The following ARHGAP26 variants were observed in gnomAD, a reference collection of about 807,000 sequenced individuals.
ARHGAP26 encodes the protein Rho GTPase activating protein 26.
ARHGAP26 carries 38 observed loss-of-function variants against 104.8 expected under a neutral mutation model. The observed-to-expected ratio is 0.36, with a 90% CI of 0.28 to 0.48. ARHGAP26 has a LOEUF of 0.48. Ranked by LOEUF, ARHGAP26 falls within the 20% of genes least tolerant of loss-of-function variation. The pLI is 0.99. For missense variants in ARHGAP26, 704 were observed against 947.9 expected, an observed-to-expected ratio of 0.74 and a Z score of 3.38; for synonymous variants, 341 against 340.0, an observed-to-expected ratio of 1.00 and a Z score of -0.03.
intron 17 of ARHGAP26, among the ~76,000 whole-genome samples, chr5:143,086,709 G>T (rs955661302): frequency 7.2e-5 from 11 of 152,146 alleles, no homozygotes; most frequent in African/African-American, 2.7e-4. Context: ...AGCACTTAAG[G>T]CTGCTGGTGA....
intron 1 of ARHGAP26, 45 bp downstream of exon 1, chr5:142,770,960 G>A: frequency 6.4e-7 from 1 of 1,556,634 alleles, no homozygotes; most frequent in Non-Finnish European, 8.7e-7. Context: ...GGGGCGGGAG[G>A]AACTGGGAGG....
Position 142,878,026 on chromosome 5 carries a change from C to A in ARHGAP26, c.313-1348C>A, listed in dbSNP as rs10515518. ...ATTTCACTCTTCTGAAATAAGTGAT[C>A]TCCAAATTGAGAAAAAGGCAAATGG... On this transcript the variant is annotated intron_variant, in intron 3 of 22. Coordinates refer to ENST00000645722, the MANE Select transcript of ARHGAP26 (RefSeq NM_001135608.3). 0.017 allele frequency among the ~76,000 whole-genome samples: 2,580 copies of A among 152,294 alleles called. 193 individuals carry two copies. In the East Asian group the frequency reaches 0.25, roughly 15 times the overall value.
chr5:143,083,055 GA>G (rs143715674), intron 17 of ARHGAP26, among the ~76,000 whole-genome samples: 5,690 of 152,274 alleles, frequency 0.037, 354 homozygotes, highest in African/African-American at 0.13. Flanking sequence ...AATCTCAGCC[GA>G]GTATAATACA....
intron 16 of ARHGAP26, 38 bp from the exon 17 acceptor site, chr5:143,057,604 G>T: frequency 6.4e-7 from 1 of 1,552,604 alleles, no homozygotes; most frequent in South Asian, 1.1e-5. Context: ...GTTTAGCTGT[G>T]ACACTGATAA....
chr5:142,831,111 A>C (rs1163839515), intron 1 of ARHGAP26, among the ~76,000 whole-genome samples: 1 of 152,156 alleles, frequency 6.6e-6, no homozygotes, highest in Non-Finnish European at 1.5e-5. Flanking sequence ...TCAGCCTGTT[A>C]GTGTCTGTTT....
At chr5:142,784,923 AT>A (rs35315311) in intron 1 of ARHGAP26, among the ~76,000 whole-genome samples, 2,010 of 118,076 alleles carry the variant, frequency 0.017, 9 homozygotes, top group African/African-American at 0.044. Flanking sequence ...CTTCCTTAGG[AT>A]TTTTTTTTTT....
chr5:142,925,105 A>G (rs1763722241), intron 10 of ARHGAP26, among the ~76,000 whole-genome samples: 1 of 152,064 alleles, frequency 6.6e-6, no homozygotes, highest in South Asian at 2.1e-4. Flanking sequence ...AAAATCTTTA[A>G]CTGCTGATCA....
intron 20 of ARHGAP26, among the ~76,000 whole-genome samples, chr5:143,190,992 A>G (rs549002304): frequency 1.3e-5 from 2 of 152,382 alleles, no homozygotes; most frequent in African/African-American, 4.8e-5. Flanking sequence ...GCAGATCTCT[A>G]GAGTTAGAAT....
intron 9 of ARHGAP26, chr5:142,909,014 T>C (rs1318494914): frequency 1.3e-5 from 2 of 158,210 alleles, no homozygotes; most frequent in African/African-American, 4.8e-5. Flanking sequence ...GCCCTAGCTT[T>C]GATTTTTTTC....
At chr5:143,156,113 T>C (rs762510268) in intron 20 of ARHGAP26, among the ~76,000 whole-genome samples, 2 of 152,254 alleles carry the variant, frequency 1.3e-5, no homozygotes, top group Non-Finnish European at 2.9e-5. Context: ...TTTTCTTATT[T>C]AGGATTAGAT....
intron 17 of ARHGAP26, chr5:143,058,089 C>T (rs1288416119): frequency 1.2e-5 from 6 of 484,936 alleles, no homozygotes; most frequent in South Asian, 3.7e-5. Context: ...TTCTTATGCT[C>T]ATCAAGAACA....
At chr5:143,006,316 CT>C (rs34154406) in intron 11 of ARHGAP26, among the ~76,000 whole-genome samples, 20,273 of 112,746 alleles carry the variant, frequency 0.18, 3,448 homozygotes, top group African/African-American at 0.45. Context: ...AGTGTTTTTT[CT>C]TTTTTTTTTT....
In ARHGAP26 at chr5:142,907,688, A is replaced by C; in HGVS notation, c.833-16A>C. On this transcript the variant is annotated splice_polypyrimidine_tract_variant and intron_variant, in intron 8 of 22. Coordinates refer to ENST00000645722, the MANE Select transcript of ARHGAP26 (RefSeq NM_001135608.3). ...GTGGAATGTATAGATATTTTATGGGAAATATTACCTTTCAGGTCACTTTGG... is the reference window on the plus strand; with the variant it reads ...GTGGAATGTATAGATATTTTATGGGCAATATTACCTTTCAGGTCACTTTGG... 1.3e-6 allele frequency: 2 copies of C among 1,568,954 alleles called. No individual in the cohort carries two copies. Among genetic ancestry groups the C allele is most frequent in the Non-Finnish European group, 1.7e-6 (2 of 1,145,514 alleles).
At chr5:143,082,009 CAAA>C (rs71576162) in intron 17 of ARHGAP26, among the ~76,000 whole-genome samples, 32 of 38,260 alleles carry the variant, frequency 8.4e-4, no homozygotes, top group African/African-American at 3.0e-3. Context: ...GACTCCATCT[CAAA>C]AAAAAAAAAA....
intron 11 of ARHGAP26, among the ~76,000 whole-genome samples, chr5:142,950,923 A>G (rs1768234282): frequency 6.6e-6 from 1 of 152,076 alleles, no homozygotes; most frequent in African/African-American, 2.4e-5. Flanking sequence ...AGGTTGGTAG[A>G]TCTTTGAGAA....
At chr5:143,173,684 C>G (rs1803100094) in intron 20 of ARHGAP26, among the ~76,000 whole-genome samples, 1 of 152,210 alleles carries the variant, frequency 6.6e-6, no homozygotes, top group Admixed American at 6.5e-5. Flanking sequence ...CAAAATCTAA[C>G]TGCAGAGACT....
intron 11 of ARHGAP26, among the ~76,000 whole-genome samples, chr5:143,012,561 A>ATATATATATATATATATATG (rs1329858755): frequency 5.2e-5 from 4 of 76,832 alleles, no homozygotes; most frequent in Admixed American, 1.6e-4. Flanking sequence ...ACATATATAT[A>ATATATATATATATATATATG]TATATATATA....
chr5:142,779,048 G>C (rs1408026668), intron 1 of ARHGAP26, among the ~76,000 whole-genome samples: 3 of 152,178 alleles, frequency 2.0e-5, no homozygotes, highest in Non-Finnish European at 4.4e-5. Flanking sequence ...TATGCTTTCT[G>C]AGTGGCATGT....
At chr5:142,917,759 C>T (rs1261887389) in intron 10 of ARHGAP26, among the ~76,000 whole-genome samples, 1 of 152,096 alleles carries the variant, frequency 6.6e-6, no homozygotes, top group South Asian at 2.1e-4. Context: ...AGTTGAACTC[C>T]TGGGCTCAAG....
Sources: allele counts gnomAD v4.1 joint callset (sites outside exome capture counted in the v4.1 genomes callset), GRCh38; gene constraint gnomAD v4.1.1; transcripts MANE v1.5; gene names NCBI Gene and HGNC (gene_info 2026-07-23, HGNC 2026-07-21).